Variants in PPP2R2A observed in about 807,000 individuals in gnomAD.
PPP2R2A encodes protein phosphatase 2 regulatory subunit Balpha.
A neutral mutation model predicts 53.2 loss-of-function variants in PPP2R2A; 9 were observed. That is an observed-to-expected ratio of 0.17 (90% confidence interval 0.10 to 0.30). PPP2R2A has a LOEUF of 0.30. Among genes scored for constraint, PPP2R2A ranks in the 10% least tolerant of loss-of-function variants. The probability of loss-of-function intolerance (pLI) is 1.00; values close to 1 mark genes in which losing one functional copy is unlikely to be tolerated. For synonymous variants in PPP2R2A, 169 were observed against 174.2 expected (o/e 0.97, Z 0.23); for missense variants, 235 against 534.6 (o/e 0.44, Z 5.53).
At chr8:26,337,467 A>C (rs887396964) in intron 2 of PPP2R2A, among the ~76,000 whole-genome samples, 1 of 152,158 alleles carries the variant, frequency 6.6e-6, no homozygotes, top group Admixed American at 6.5e-5. Context: ...TTAACTCCCC[A>C]GTTGTACTCT....
chr8:26,339,198 A>G (rs954032894), intron 3 of PPP2R2A, among the ~76,000 whole-genome samples: 1 of 152,246 alleles, frequency 6.6e-6, no homozygotes, highest in South Asian at 2.1e-4. Context: ...GTTTAAAAAC[A>G]TAACACTAAT....
chr8:26,336,054 T>A (rs1803641540), intron 2 of PPP2R2A, among the ~76,000 whole-genome samples: 2 of 152,122 alleles, frequency 1.3e-5, no homozygotes, highest in South Asian at 4.1e-4. Flanking sequence ...GTTGTGAGAG[T>A]CCCCTGTCTT....
rs748011679 is a variant in PPP2R2A at position 26,370,420 on chromosome 8, C to T, written c.*7C>T. On this transcript the variant is annotated 3_prime_UTR_variant, in exon 10 of 10. Coordinates refer to ENST00000380737, the MANE Select transcript of PPP2R2A (RefSeq NM_002717.4). The surrounding 1 kb of genome is among the most constrained non-coding windows in gnomAD (Gnocchi z 6.1). ...TCAAGACAAAGTGAATTAGGGTTGG[C>T]ATTCCTAGCAGAAGAACCCACTTCC... 8 of 1,611,930 alleles carry T rather than the reference C, an allele frequency of 5.0e-6. No homozygotes were observed. Among genetic ancestry groups the T allele is most frequent in the Non-Finnish European group, 6.8e-6 (8 of 1,178,320 alleles).
intron 2 of PPP2R2A, among the ~76,000 whole-genome samples, chr8:26,334,424 A>C (rs1467362675): frequency 6.6e-6 from 1 of 152,206 alleles, no homozygotes; most frequent in African/African-American, 2.4e-5. Flanking sequence ...AGAATTCTCA[A>C]ATTCCAGCAT....
intron 2 of PPP2R2A, among the ~76,000 whole-genome samples, chr8:26,320,230 C>G (rs1191670084): frequency 6.6e-6 from 1 of 152,128 alleles, no homozygotes; most frequent in Non-Finnish European, 1.5e-5. Flanking sequence ...CTCTTGTTCT[C>G]TTGAGTATTC....
chr8:26,296,195 A>T (rs1345104774), intron 2 of PPP2R2A, among the ~76,000 whole-genome samples: 1 of 152,190 alleles, frequency 6.6e-6, no homozygotes, highest in Non-Finnish European at 1.5e-5. Context: ...TTCAAAGTTA[A>T]TCTTAAATGC....
At chr8:26,313,159 A>G (rs1802372674) in intron 2 of PPP2R2A, among the ~76,000 whole-genome samples, 1 of 150,910 alleles carries the variant, frequency 6.6e-6, no homozygotes, top group African/African-American at 2.4e-5. Context: ...TCAGCCTCCC[A>G]AGTAGCTAGG....
intron 2 of PPP2R2A, among the ~76,000 whole-genome samples, chr8:26,295,642 A>G (rs1282217127): frequency 6.6e-6 from 1 of 152,224 alleles, no homozygotes; most frequent in Non-Finnish European, 1.5e-5. Flanking sequence ...GTTGTTAAAT[A>G]TTTTAACGTA....
Position 26,338,966 on chromosome 8 carries a change from C to T in PPP2R2A, c.159C>T (p.Val53=), listed in dbSNP as rs944220835. ...LATGDKGGRV[V]IFQQEQENKI... ...CAGGAGATAAAGGTGGTAGAGTTGT[C>T]ATCTTTCAACAGGAGCAGGAGGTAA... The change falls in exon 3 of 10, where the codon GTC becomes GTT. Residue 53 remains valine (V), a synonymous_variant. Coordinates refer to ENST00000380737, the MANE Select transcript of PPP2R2A (RefSeq NM_002717.4). This position sits in a 1 kb window ranked among gnomAD's most constrained non-coding sequence, Gnocchi z 4.5. 1.2e-6 allele frequency: 2 copies of T among 1,604,248 alleles called. No homozygotes were observed. Among genetic ancestry groups the T allele is most frequent in the Admixed American group, 3.3e-5 (2 of 59,796 alleles).
chr8:26,338,372 A>G lies in PPP2R2A; in HGVS notation c.83-518A>G, dbSNP rs1259007153. ...GCACATAGCACGAAGCATTTCTGCT[A>G]TAAAAAAGCGGGATCTATTTGCAAA... On this transcript the variant is annotated intron_variant, in intron 2 of 9. Coordinates refer to ENST00000380737, the MANE Select transcript of PPP2R2A (RefSeq NM_002717.4). The surrounding 1 kb of genome is among the most constrained non-coding windows in gnomAD (Gnocchi z 4.5). 2.6e-5 allele frequency among the ~76,000 whole-genome samples: 4 copies of G among 152,232 alleles called. No homozygotes were observed. The highest frequency in any genetic ancestry group is 5.9e-5 in the Non-Finnish European group (4 of 68,040).
In PPP2R2A at chr8:26,360,888, CTG is replaced by C. The variant is rs1472808661; in HGVS notation, c.460-85_460-84del. ...TTGTTCTATTTTATGTTCTCAAAAA[CTG>C]AAATAATGAAGTTTTCTGAATCTTA... is the stretch of plus-strand genomic sequence containing the variant. On this transcript the variant is annotated intron_variant, in intron 5 of 9. Transcript: ENST00000380737. The surrounding 1 kb of genome is among the most constrained non-coding windows in gnomAD (Gnocchi z 4.5). The C allele has an allele frequency of 2.4e-5, 32 of 1,315,174 alleles. No homozygotes were observed. Among genetic ancestry groups the C allele is most frequent in the Non-Finnish European group, 2.7e-5 (26 of 958,196 alleles). 81.5% of individuals were successfully genotyped at this position (1,315,174 alleles called of 1,614,324 possible). A position where few individuals can be genotyped will look rare whatever the true frequency, so the allele number is the denominator to read the frequency against.
chr8:26,359,648 GT>G (rs5890313), intron 4 of PPP2R2A, among the ~76,000 whole-genome samples: 108,893 of 151,922 alleles, frequency 0.72, 39,270 homozygotes, highest in East Asian at 0.88. Context: ...AAGGGGAAAG[GT>G]TTTAAAAAGG....
intron 2 of PPP2R2A, 125 bp downstream of exon 2, chr8:26,293,865 G>A: frequency 2.3e-6 from 2 of 871,070 alleles, no homozygotes; most frequent in South Asian, 3.1e-5. Flanking sequence ...AGAAATGTAA[G>A]AACAGTTTTA....
At chr8:26,301,639 T>C (rs1447393971) in intron 2 of PPP2R2A, among the ~76,000 whole-genome samples, 2 of 152,122 alleles carry the variant, frequency 1.3e-5, no homozygotes, top group Admixed American at 1.3e-4. Flanking sequence ...GTGTGTGAAA[T>C]TGTGTGTGAT....
chr8:26,305,035 C>T (rs755310338), intron 2 of PPP2R2A, among the ~76,000 whole-genome samples: 4 of 152,140 alleles, frequency 2.6e-5, no homozygotes, highest in Admixed American at 6.5e-5. Context: ...ACTTTTTCGT[C>T]TTGCAAAACT....
At chr8:26,320,599 G>A (rs1802786575) in intron 2 of PPP2R2A, among the ~76,000 whole-genome samples, 1 of 152,128 alleles carries the variant, frequency 6.6e-6, no homozygotes, top group Non-Finnish European at 1.5e-5. Context: ...TATAACTCTG[G>A]CTAGTTTATC....
intron 2 of PPP2R2A, among the ~76,000 whole-genome samples, chr8:26,330,612 G>T (rs1018194461): frequency 6.6e-6 from 1 of 152,112 alleles, no homozygotes; most frequent in Non-Finnish European, 1.5e-5. Flanking sequence ...GAGCCACTGT[G>T]CCTGGGCCAT....
At chr8:26,310,014 G>C (rs1421753536) in intron 2 of PPP2R2A, among the ~76,000 whole-genome samples, 5 of 151,602 alleles carry the variant, frequency 3.3e-5, no homozygotes, top group African/African-American at 9.7e-5. Flanking sequence ...CAGGCGTGGT[G>C]GCTCACCCCT....
chr8:26,311,707 G>C (rs567979473), intron 2 of PPP2R2A, among the ~76,000 whole-genome samples: 1 of 152,266 alleles, frequency 6.6e-6, no homozygotes, highest in Non-Finnish European at 1.5e-5. Flanking sequence ...AATAATGTGT[G>C]ACAACAGAAA....
Sources: allele counts gnomAD v4.1 joint callset (sites outside exome capture counted in the v4.1 genomes callset), GRCh38; gene constraint gnomAD v4.1.1; non-coding constraint Gnocchi (gnomAD v3.1); transcripts MANE v1.5; gene names NCBI Gene and HGNC (gene_info 2026-07-23, HGNC 2026-07-21).